The following NR6A1 variants were observed in gnomAD, a reference collection of about 807,000 sequenced individuals.
NR6A1 encodes the protein retinoic acid receptor-related testis-associated receptor.
A neutral mutation model predicts 59.1 loss-of-function variants in NR6A1; 7 were observed. That is an observed-to-expected ratio of 0.12 (90% confidence interval 0.07 to 0.22). The LOEUF is 0.22. NR6A1 is among the 10% of genes least tolerant of loss of function. NR6A1 has a pLI of 1.00. For synonymous variants in NR6A1, 243 were observed against 236.1 expected, an observed-to-expected ratio of 1.03 and a Z score of -0.27; for missense variants, 468 against 611.6, an observed-to-expected ratio of 0.77 and a Z score of 2.48.
chr9:124,699,424 C>T (rs1564243963), intron 2 of NR6A1, among the ~76,000 whole-genome samples: 1 of 152,188 alleles, frequency 6.6e-6, no homozygotes, highest in Non-Finnish European at 1.5e-5. Flanking sequence ...CTTGAGTCAC[C>T]TCCCAAACAA....
At chr9:124,645,352 TAGAGTG>T (rs1836900578) in intron 2 of NR6A1, among the ~76,000 whole-genome samples, 1 of 152,222 alleles carries the variant, frequency 6.6e-6, no homozygotes, top group Non-Finnish European at 1.5e-5. Context: ...GGCAGATTGT[TAGAGTG>T]AATCAGGAAA....
chr9:124,588,319 A>G (rs924168289), intron 2 of NR6A1, among the ~76,000 whole-genome samples: 6 of 151,736 alleles, frequency 4.0e-5, no homozygotes, highest in African/African-American at 1.5e-4. Context: ...TAGATCTAGA[A>G]TTTTTCATGA....
chr9:124,747,921 T>G (rs998157988), intron 1 of NR6A1, among the ~76,000 whole-genome samples: 1 of 152,234 alleles, frequency 6.6e-6, no homozygotes, highest in South Asian at 2.1e-4. Flanking sequence ...AAATCCTGTT[T>G]GATTCCCCTT....
intron 2 of NR6A1, among the ~76,000 whole-genome samples, chr9:124,617,601 T>TA (rs1193713032): frequency 1.3e-5 from 2 of 152,174 alleles, no homozygotes; most frequent in African/African-American, 4.8e-5. Flanking sequence ...AGTGGCTCCC[T>TA]ACAGCTTTGT....
chr9:124,595,832 G>A (rs1835256118), intron 2 of NR6A1: 3 of 1,289,388 alleles, frequency 2.3e-6, no homozygotes, highest in Admixed American at 2.3e-5. Context: ...TACAGGACAA[G>A]TCCAGCTTGA....
intron 1 of NR6A1, among the ~76,000 whole-genome samples, chr9:124,757,178 G>C (rs1403735738): frequency 6.6e-6 from 1 of 151,932 alleles, no homozygotes; most frequent in African/African-American, 2.4e-5. Flanking sequence ...AGTAGTTGTT[G>C]GTGAGGGTAC....
intron 2 of NR6A1, among the ~76,000 whole-genome samples, chr9:124,618,284 C>T (rs1835958825): frequency 6.6e-6 from 1 of 152,056 alleles, no homozygotes; most frequent in African/African-American, 2.4e-5. Context: ...AAGTTCGAGA[C>T]CACCCTGGAC....
intron 2 of NR6A1, among the ~76,000 whole-genome samples, chr9:124,674,420 G>C (rs757544296): frequency 6.6e-6 from 1 of 152,106 alleles, no homozygotes; most frequent in Non-Finnish European, 1.5e-5. Context: ...ATACCTGTGT[G>C]ATCTTGGGCA....
intron 2 of NR6A1, among the ~76,000 whole-genome samples, chr9:124,675,802 T>C (rs902780440): frequency 1.3e-5 from 2 of 152,190 alleles, no homozygotes; most frequent in Admixed American, 1.3e-4. Flanking sequence ...TCTTTCCATC[T>C]AGAATTCTCA....
chr9:124,734,319 A>C (rs1839962008), intron 1 of NR6A1, among the ~76,000 whole-genome samples: 1 of 152,136 alleles, frequency 6.6e-6, no homozygotes, highest in Non-Finnish European at 1.5e-5. Flanking sequence ...TACAGCTTTA[A>C]CCCCATTACC....
intron 2 of NR6A1, among the ~76,000 whole-genome samples, chr9:124,645,489 G>A (rs1292529901): frequency 6.6e-6 from 1 of 152,170 alleles, no homozygotes; most frequent in Non-Finnish European, 1.5e-5. Context: ...GAAAGTGGAA[G>A]CAGCTATGCT....
chr9:124,527,854 G>A (rs1258910388), intron 7 of NR6A1, among the ~76,000 whole-genome samples: 1 of 152,224 alleles, frequency 6.6e-6, no homozygotes, highest in Non-Finnish European at 1.5e-5. Context: ...CTTCATACCA[G>A]AGATGGAGAT....
intron 3 of NR6A1, among the ~76,000 whole-genome samples, chr9:124,553,549 C>CTTTTTTTTTTGTTTTTT (rs1833840485): frequency 4.2e-5 from 2 of 47,324 alleles, no homozygotes; most frequent in Admixed American, 3.3e-4. Context: ...TTTAGCTTGA[C>CTTTTTTTTTTGTTTTTT]TTTTTTTTTT....
At chr9:124,764,036 T>G (rs1242239166) in intron 1 of NR6A1, among the ~76,000 whole-genome samples, 2 of 151,854 alleles carry the variant, frequency 1.3e-5, no homozygotes, top group Non-Finnish European at 2.9e-5. Context: ...ACACAAAAAT[T>G]AGCTGGGCAT....
At chr9:124,545,833 C>T (rs757501193) in intron 3 of NR6A1, among the ~76,000 whole-genome samples, 5 of 152,154 alleles carry the variant, frequency 3.3e-5, no homozygotes, top group African/African-American at 2.4e-5. Context: ...AAAAGCTCAT[C>T]GGCCAAGCAC....
chr9:124,700,754 CTTT>C (rs35704226), intron 2 of NR6A1, among the ~76,000 whole-genome samples: 125 of 91,284 alleles, frequency 1.4e-3, no homozygotes, highest in Middle Eastern at 0.014. Context: ...TTTACATAGC[CTTT>C]TTTTTTTTTT....
rs181056142 is a variant in NR6A1 at position 124,519,397 on chromosome 9, G to T, written c.*3308C>A. ...TTCTGGGGAATTTCTCCAGATTAAC[G>T]ACGAGACCACCAAACCTTGCAAAGG... On this transcript the variant is annotated 3_prime_UTR_variant, in exon 10 of 10. Transcript: ENST00000487099. The T allele has an allele frequency of 6.6e-6, 1 of 152,164 alleles. No homozygotes were observed. The highest frequency in any genetic ancestry group is 1.9e-4 in the East Asian group (1 of 5,186). The allele number at this position is 152,164 out of a possible 1,614,324, so 9.4% of individuals were successfully genotyped here. A position where few individuals can be genotyped will look rare whatever the true frequency, so the allele number is the denominator to read the frequency against.
At chr9:124,735,462 G>A (rs1348043534) in intron 1 of NR6A1, among the ~76,000 whole-genome samples, 3 of 152,230 alleles carry the variant, frequency 2.0e-5, no homozygotes, top group Non-Finnish European at 4.4e-5. Flanking sequence ...TATGGAAGGT[G>A]CTGAAATGCA....
chr9:124,559,245 TG>T (rs1384779987), intron 2 of NR6A1, among the ~76,000 whole-genome samples: 1 of 152,176 alleles, frequency 6.6e-6, no homozygotes, highest in Non-Finnish European at 1.5e-5. Context: ...CCCTCCACAA[TG>T]TTCCAAGACA....
Sources: allele counts gnomAD v4.1 joint callset (sites outside exome capture counted in the v4.1 genomes callset), GRCh38; gene constraint gnomAD v4.1.1; transcripts MANE v1.5; gene names NCBI Gene and HGNC (gene_info 2026-07-23, HGNC 2026-07-21).